Variants in ZNF341 observed in about 807,000 individuals in gnomAD.
ZNF341 encodes the protein zinc finger protein 341.
ZNF341 carries 52 observed loss-of-function variants against 87.7 expected under a neutral mutation model. That is an observed-to-expected ratio of 0.59 (90% CI 0.47 to 0.75). The LOEUF (loss-of-function observed/expected upper bound fraction) is 0.75, where lower values mean the gene tolerates loss of function less well. Among genes scored for constraint, ZNF341 ranks in the 30% least tolerant of loss-of-function variants. ZNF341 has a pLI of 0.00. For missense variants in ZNF341, 977 were observed against 1,145.9 expected, an observed-to-expected ratio of 0.85 and a Z score of 2.13; for synonymous variants, 459 against 472.7, an observed-to-expected ratio of 0.97 and a Z score of 0.38.
At chr20:33,780,817 A>C (rs1021048744) in intron 10 of ZNF341, among the ~76,000 whole-genome samples, 11 of 151,876 alleles carry the variant, frequency 7.2e-5, no homozygotes, top group African/African-American at 2.2e-4. Flanking sequence ...CCCTGGGCTT[A>C]AGCGATCCTC....
In ZNF341 at chr20:33,783,855, A is replaced by C; in HGVS notation, c.1843A>C (p.Ile615Leu). 2 of 1,612,944 alleles carry C rather than the reference A, an allele frequency of 1.2e-6. No homozygotes were observed. The highest frequency in any genetic ancestry group is 1.7e-6 in the Non-Finnish European group (2 of 1,179,572). ...GCATTATCTCAAACTGCATGCTCAC[A>C]TCCACTCGGGTAGGTACCCTGCCCC... ...REHYLKLHAHIHSGEKPYKCS... is the reference protein window; with the variant it reads ...REHYLKLHAHLHSGEKPYKCS... The change falls in exon 12 of 15, where the codon ATC becomes CTC. Residue 615 changes from isoleucine to leucine, a missense_variant. Coordinates refer to ENST00000375200, the MANE Select transcript of ZNF341 (RefSeq NM_001282933.2).
At chr20:33,779,554 G>T (rs1321381148) in intron 10 of ZNF341, among the ~76,000 whole-genome samples, 1 of 150,606 alleles carries the variant, frequency 6.6e-6, no homozygotes, top group Non-Finnish European at 1.5e-5. Flanking sequence ...AGGTTCAAGT[G>T]ATTCTCCTGC....
intron 10 of ZNF341, among the ~76,000 whole-genome samples, chr20:33,777,584 A>G (rs1357313394): frequency 2.6e-5 from 4 of 151,196 alleles, no homozygotes; most frequent in Non-Finnish European, 5.9e-5. Flanking sequence ...CAGTGAGCCG[A>G]GATCGGGCCA....
At chr20:33,751,893 T>G (rs1470465754) in intron 4 of ZNF341, among the ~76,000 whole-genome samples, 2 of 152,086 alleles carry the variant, frequency 1.3e-5, no homozygotes, top group Non-Finnish European at 2.9e-5. Context: ...CTGTTAGGGA[T>G]TGGTCATGTA....
chr20:33,766,898 A>G lies in ZNF341; in HGVS notation c.1270A>G (p.Thr424Ala). ...TGCGCCACAGCCCCAGGCCTTGTCC[A>G]CAGCTGGTGAGGAAGAGGGGGACAA... ...PGAPQPQALS[T>A]AGEEEGDKPE... is the part of the protein sequence containing the mutation. The change falls in exon 9 of 15, where the codon ACA (threonine) becomes GCA (alanine). Residue 424 changes from threonine (T) to alanine (A), a missense_variant. This residue lies in a region of ZNF341 where 515 missense variants were observed against 598.2 expected (regional missense o/e 0.86). Transcript: ENST00000375200. The G allele has an allele frequency of 6.2e-7, 1 of 1,614,014 alleles. No homozygotes were observed. Among genetic ancestry groups the G allele is most frequent in the South Asian group, 1.1e-5 (1 of 91,062 alleles).
chr20:33,737,249 T>C (rs1011675592), intron 1 of ZNF341, among the ~76,000 whole-genome samples: 2 of 152,228 alleles, frequency 1.3e-5, no homozygotes, highest in African/African-American at 4.8e-5. Context: ...GAGACTGGAA[T>C]TGTGTTATTA....
chr20:33,734,786 C>G (rs1026813297), intron 1 of ZNF341, among the ~76,000 whole-genome samples: 1 of 152,102 alleles, frequency 6.6e-6, no homozygotes, highest in Non-Finnish European at 1.5e-5. Context: ...CTCAATGCAG[C>G]CTCCACCTCC....
chr20:33,767,733 G>T (rs2019438712), intron 9 of ZNF341, among the ~76,000 whole-genome samples: 2 of 152,176 alleles, frequency 1.3e-5, no homozygotes, highest in African/African-American at 4.8e-5. Context: ...ATTTGACAAT[G>T]CATTATTATG....
At chr20:33,781,444 G>A in intron 11 of ZNF341, 57 bp downstream of exon 11, 8 of 1,499,168 alleles carry the variant, frequency 5.3e-6, no homozygotes, top group Non-Finnish European at 6.5e-6. Flanking sequence ...CAAGGAGGTG[G>A]GGTGGGGTGC....
chr20:33,753,079 C>G, intron 4 of ZNF341, 93 bp from the exon 5 acceptor site: 1 of 1,573,574 alleles, frequency 6.4e-7, no homozygotes, highest in Non-Finnish European at 8.6e-7. Flanking sequence ...AGCTGTTTTT[C>G]CACCTGGCTG....
Position 33,732,013 on chromosome 20 carries a change from G to C in ZNF341, c.-9G>C. The C allele has an allele frequency of 7.0e-7, 1 of 1,433,022 alleles. No homozygotes were observed. The highest frequency in any genetic ancestry group is 1.4e-5 in the South Asian group (1 of 72,652). The allele number at this position is 1,433,022 out of a possible 1,614,324, so 88.8% of individuals were successfully genotyped here. Reference sequence around the variant, plus strand: ...CGGTTCCTGTGGCGGCGACGGCGGCGGCTCCAAGATGGCGCAGGCGATCTT... The same window carrying C: ...CGGTTCCTGTGGCGGCGACGGCGGCCGCTCCAAGATGGCGCAGGCGATCTT... On this transcript the variant is annotated 5_prime_UTR_variant, in exon 1 of 15. Coordinates refer to ENST00000375200, the MANE Select transcript of ZNF341 (RefSeq NM_001282933.2). This position sits in a 1 kb window ranked among gnomAD's most constrained non-coding sequence, Gnocchi z 4.5.
At chr20:33,790,932 C>T (rs2020000216) in intron 14 of ZNF341, 56 bp from the exon 15 acceptor site, 4 of 1,549,638 alleles carry the variant, frequency 2.6e-6, no homozygotes, top group East Asian at 2.3e-5. Flanking sequence ...CAGCGCAGGG[C>T]ACTGTTGCGG....
In ZNF341 at chr20:33,777,787, T is replaced by C. The variant is rs1414100936; in HGVS notation, c.1623-3504T>C. On this transcript the variant is annotated intron_variant, in intron 10 of 14. Coordinates refer to ENST00000375200, the MANE Select transcript of ZNF341 (RefSeq NM_001282933.2). ...AAGGTTTTTTTGAACCAGAATCACA[T>C]GTTGAATTCAGTTGTCATGTCTCTC... is the stretch of plus-strand genomic sequence containing the variant. 2.0e-5 allele frequency among the ~76,000 whole-genome samples: 3 copies of C among 152,270 alleles called. No homozygotes were observed. The East Asian group carries it at 5.8e-4, about 29-fold the overall frequency.
At chr20:33,734,420 C>T (rs1006769606) in intron 1 of ZNF341, among the ~76,000 whole-genome samples, 19 of 151,682 alleles carry the variant, frequency 1.3e-4, no homozygotes, top group Non-Finnish European at 1.5e-4. Context: ...AGTGGGGGGT[C>T]GGGGTGGAGG....
At chr20:33,771,061 G>A (rs1195648578) in intron 10 of ZNF341, among the ~76,000 whole-genome samples, 1 of 152,056 alleles carries the variant, frequency 6.6e-6, no homozygotes, top group Non-Finnish European at 1.5e-5. Context: ...GGCAGAGCTT[G>A]CAGTGAGCTG....
At chr20:33,774,740 G>C (rs2019596805) in intron 10 of ZNF341, among the ~76,000 whole-genome samples, 1 of 152,178 alleles carries the variant, frequency 6.6e-6, no homozygotes. Context: ...GGCCGAGGCA[G>C]GCAGATCACT....
intron 12 of ZNF341, among the ~76,000 whole-genome samples, chr20:33,786,154 C>T (rs2019857731): frequency 6.6e-6 from 1 of 151,390 alleles, no homozygotes. Flanking sequence ...CAGGTGTGCA[C>T]CATCACGCCC....
rs772332742 is a variant in ZNF341 at position 33,732,868 on chromosome 20, C to G, written c.31+816C>G. Among the ~76,000 whole-genome samples, 1 of 152,272 alleles carries G rather than the reference C, an allele frequency of 6.6e-6. No homozygotes were observed. The highest frequency in any genetic ancestry group is 3.4e-3 in the Middle Eastern group (1 of 294). On this transcript the variant is annotated intron_variant, in intron 1 of 14. Coordinates refer to ENST00000375200, the MANE Select transcript of ZNF341 (RefSeq NM_001282933.2). This position sits in a 1 kb window ranked among gnomAD's most constrained non-coding sequence, Gnocchi z 4.5. ...CTGGGCGTCGGGGAGGAAGGGCAGC[C>G]TTAGCGACTCGGGGCCATGGCGCAG... is the stretch of plus-strand genomic sequence containing the variant.
rs1400381150 is a variant in ZNF341, at chr20:33,732,483, ACTT to A, written c.31+434_31+436del. 6.6e-6 allele frequency among the ~76,000 whole-genome samples: 1 copy of A among 152,182 alleles called. No homozygotes were observed. Among genetic ancestry groups the A allele is most frequent in the East Asian group, 1.9e-4 (1 of 5,194 alleles). On this transcript the variant is annotated intron_variant, in intron 1 of 14. Coordinates refer to ENST00000375200, the MANE Select transcript of ZNF341 (RefSeq NM_001282933.2). This position sits in a 1 kb window ranked among gnomAD's most constrained non-coding sequence, Gnocchi z 4.5. Reference sequence around the variant, plus strand: ...GGCCTCGGCGGCCTGACCACGAAGAACTTCTGCGGAGCGGACTGTATGCCTCGT... The same window carrying A: ...GGCCTCGGCGGCCTGACCACGAAGAACTGCGGAGCGGACTGTATGCCTCGT...
Sources: gnomAD v4.1 joint callset for allele counts (sites outside exome capture counted in the v4.1 genomes callset) on GRCh38, gnomAD v4.1.1 for gene constraint, gnomAD v4.1.1 regional missense constraint, Gnocchi (gnomAD v3.1) non-coding constraint, MANE v1.5 for transcripts, NCBI Gene and HGNC (gene_info 2026-07-23, HGNC 2026-07-21) for gene names.